Variants in NDE1 observed in about 807,000 individuals in gnomAD.
NDE1 encodes the protein nudE neurodevelopment protein 1.
A neutral mutation model predicts 43.4 loss-of-function variants in NDE1; 28 were observed. The observed-to-expected ratio is 0.65, with a 90% CI of 0.48 to 0.89. The LOEUF (loss-of-function observed/expected upper bound fraction) is 0.89. NDE1 is among the 40% of genes least tolerant of loss of function. The pLI, the probability that NDE1 is intolerant of heterozygous loss-of-function variation, is 0.00. For synonymous variants in NDE1, 184 were observed against 172.0 expected (o/e 1.07, Z -0.55); for missense variants, 441 against 434.1 (o/e 1.02, Z -0.14).
chr16:15,720,350 C>CCCT, intron 8 of NDE1: 9 of 1,600,260 alleles, frequency 5.6e-6, no homozygotes, highest in Non-Finnish European at 7.7e-6. Context: ...CCCCACTTGC[C>CCCT]CCTGGGAGGT....
Position 15,707,280 on chromosome 16 carries a change from C to T in NDE1, c.947+10420C>T, listed in dbSNP as rs541853108. ...CTGACCTCAAGTTATCTGCCCGCCTCGGCCTCCCAAAGTGCTGGGATTATA... is the reference window on the plus strand; with the variant it reads ...CTGACCTCAAGTTATCTGCCCGCCTTGGCCTCCCAAAGTGCTGGGATTATA... On this transcript the variant is annotated intron_variant, in intron 8 of 8. Transcript: ENST00000396354. 4.6e-5 allele frequency among the ~76,000 whole-genome samples: 7 copies of T among 152,276 alleles called. No homozygotes were observed. The South Asian group carries it at 8.3e-4, about 18-fold the overall frequency.
chr16:15,720,179 T>G (rs1359060930), intron 8 of NDE1: 1 of 1,613,886 alleles, frequency 6.2e-7, no homozygotes, highest in African/African-American at 1.3e-5. Context: ...CTTGATGGCT[T>G]CCTCCCTCCC....
intron 1 of NDE1, among the ~76,000 whole-genome samples, chr16:15,658,572 G>T (rs1412033579): frequency 6.6e-6 from 1 of 152,210 alleles, no homozygotes; most frequent in East Asian, 1.9e-4. Context: ...ATATTGTGCT[G>T]TCACAGAAGA....
At chr16:15,700,045 A>G (rs1377418688) in intron 8 of NDE1, 6 of 1,177,668 alleles carry the variant, frequency 5.1e-6, no homozygotes, top group Non-Finnish European at 6.4e-6. Flanking sequence ...TGTGCATTGC[A>G]AAGAGGGACA....
rs1354299369 is a variant in NDE1, at chr16:15,717,184, C to T, written c.948-7007C>T. On this transcript the variant is annotated intron_variant, in intron 8 of 8. Transcript: ENST00000396354. ...GCTCCTCCAGCTGTGCAATCTTGGC[C>T]TCCAGCGCCGCGATGGTGGACTTGA... is the stretch of plus-strand genomic sequence containing the variant. The T allele has an allele frequency of 1.9e-6, 3 of 1,614,104 alleles. No homozygotes were observed. The highest frequency in any genetic ancestry group is 2.5e-6 in the Non-Finnish European group (3 of 1,180,050).
At chr16:15,657,213 T>C (rs550545635) in intron 1 of NDE1, among the ~76,000 whole-genome samples, 187 of 152,178 alleles carry the variant, frequency 1.2e-3, no homozygotes, top group African/African-American at 4.3e-3. Context: ...TTTTCCTGCC[T>C]CAGTCTTCCG....
chr16:15,650,476 C>T (rs2036444287), intron 1 of NDE1, among the ~76,000 whole-genome samples, 182 bp downstream of exon 1: 1 of 152,372 alleles, frequency 6.6e-6, no homozygotes, highest in East Asian at 1.9e-4. Context: ...GGTCCCTGGG[C>T]TCCAAAATCC....
chr16:15,647,514 CTA>C (rs141705391), upstream of NDE1, among the ~76,000 whole-genome samples: 11,615 of 152,160 alleles, frequency 0.076, 1,081 homozygotes, highest in African/African-American at 0.22. Flanking sequence ...GGTCTCCTCT[CTA>C]CAGTGGCCTT....
At chr16:15,690,369 T>C (rs1177899995) in intron 5 of NDE1, among the ~76,000 whole-genome samples, 70 of 127,112 alleles carry the variant, frequency 5.5e-4, no homozygotes, top group African/African-American at 1.8e-3. Context: ...TTTTTTTTTT[T>C]TTTTTTTTTT....
intron 7 of NDE1, chr16:15,695,029 A>C: frequency 4.0e-6 from 2 of 501,284 alleles, no homozygotes; most frequent in Non-Finnish European, 5.1e-6. Flanking sequence ...ACAAGAATGC[A>C]AAAATTAGCC....
Position 15,691,242 on chromosome 16 carries a change from GCCACGGGCTCCGTGCCGT to G in NDE1, c.628_645del (p.Gly210_Thr215del). 6.2e-7 allele frequency: 1 copy of G among 1,614,180 alleles called. No individual in the cohort carries two copies. The highest frequency in any genetic ancestry group is 8.5e-7 in the Non-Finnish European group (1 of 1,180,026). ...TGAGAGGACAGACACAGCTGTGCAGGCCACGGGCTCCGTGCCGTCCACGCCCATTGCTCACCGAGGACC... is the reference window on the plus strand; with the variant it reads ...TGAGAGGACAGACACAGCTGTGCAGGCCACGCCCATTGCTCACCGAGGACC... On this transcript the variant is annotated inframe_deletion, in exon 6 of 9. Transcript: ENST00000396354.
chr16:15,715,252 TTGG>T, intron 8 of NDE1: 1 of 1,614,086 alleles, frequency 6.2e-7, no homozygotes, highest in Non-Finnish European at 8.5e-7. Context: ...CTTCAGCGAC[TTGG>T]TGGCCGCCTG....
At chr16:15,712,791 C>T (rs1277327874) in intron 8 of NDE1, 1 of 138,362 alleles carries the variant, frequency 7.2e-6, no homozygotes, top group Admixed American at 7.2e-5. Context: ...GCTGCCCTGT[C>T]AGGGGACCTC....
chr16:15,692,089 T>A (rs1024550199), intron 6 of NDE1, among the ~76,000 whole-genome samples: 2 of 151,418 alleles, frequency 1.3e-5, no homozygotes, highest in African/African-American at 4.9e-5. Context: ...ATCTCAGTTC[T>A]CACCCCAGCC....
intron 1 of NDE1, 149 bp from the exon 2 acceptor site, chr16:15,664,587 C>T: frequency 1.7e-6 from 1 of 586,222 alleles, no homozygotes; most frequent in Admixed American, 3.0e-5. Context: ...GATCTCCTGA[C>T]CTCGTGATCC....
rs999173700 is a variant in NDE1, at chr16:15,702,913, C to T, written c.947+6053C>T. On this transcript the variant is annotated intron_variant, in intron 8 of 8. Coordinates refer to ENST00000396354, the MANE Select transcript of NDE1 (RefSeq NM_017668.3). The stretch of plus-strand genomic sequence containing the variant: ...TCTCTCCCCTGCCCTCCCTGCTGAG[C>T]GGCCCAGTAACCCCCTTAGACAGTC... Among the ~76,000 whole-genome samples the T allele has an allele frequency of 7.4e-4, 113 of 152,238 alleles. 2 individuals carry two copies. Among genetic ancestry groups the T allele is most frequent in the African/African-American group, 2.6e-3 (110 of 41,546 alleles).
intron 3 of NDE1, among the ~76,000 whole-genome samples, chr16:15,673,236 T>G (rs1033331238): frequency 6.6e-6 from 1 of 152,186 alleles, no homozygotes; most frequent in South Asian, 2.1e-4. Flanking sequence ...TTTTTTGAGA[T>G]GGGGTCTCTG....
chr16:15,693,500 G>C (rs548392153), intron 6 of NDE1, among the ~76,000 whole-genome samples: 1 of 152,108 alleles, frequency 6.6e-6, no homozygotes, highest in African/African-American at 2.4e-5. Flanking sequence ...TTTTGGGTTT[G>C]TTTAAAAAGA....
At position 15,709,571 on chromosome 16, in the gene NDE1, T is replaced by C. The variant is rs574346252; in HGVS notation, c.947+12711T>C. Among the ~76,000 whole-genome samples, 3 of 152,272 alleles carry C rather than the reference T, an allele frequency of 2.0e-5. No individual in the cohort carries two copies. The South Asian group carries it at 6.2e-4, about 32-fold the overall frequency. On this transcript the variant is annotated intron_variant, in intron 8 of 8. Transcript: ENST00000396354. ...CTCAAGTGATCCACCCACCTCGGCC[T>C]CCCAAAGAGCTGGGATTACAGGTGT...
Sources: gnomAD v4.1 joint callset for allele counts (sites outside exome capture counted in the v4.1 genomes callset) on GRCh38, gnomAD v4.1.1 for gene constraint, MANE v1.5 for transcripts, NCBI Gene and HGNC (gene_info 2026-07-23, HGNC 2026-07-21) for gene names.